Variants in RAB38 observed in about 807,000 individuals in gnomAD.
RAB38 encodes the protein RAB38, member RAS oncogene family.
RAB38 carries 15 observed loss-of-function variants against 18.4 expected under a neutral mutation model. The observed-to-expected ratio is 0.82, with a 90% CI of 0.55 to 1.26. The LOEUF (loss-of-function observed/expected upper bound fraction) is 1.26. Ranked by LOEUF, RAB38 falls within the 50% of genes most tolerant of loss-of-function variation. RAB38 has a pLI of 0.00. For missense variants in RAB38, 294 were observed against 267.4 expected (o/e 1.10, Z -0.69); for synonymous variants, 101 against 104.4 (o/e 0.97, Z 0.20).
chr11:88,090,382 A>G, the RAB38 span, among the ~76,000 whole-genome samples: 1 of 151,952 alleles, frequency 6.6e-6, no homozygotes, highest in Non-Finnish European at 1.5e-5. Flanking sequence ...TTTTTACTGG[A>G]CACAGAAGTT....
At chr11:88,101,401 A>T in the RAB38 span, among the ~76,000 whole-genome samples, 1 of 151,972 alleles carries the variant, frequency 6.6e-6, no homozygotes, top group East Asian at 1.9e-4. Context: ...TCCAGCATTC[A>T]TGGTTTGGTT....
chr11:87,821,940 G>A, the RAB38 span, among the ~76,000 whole-genome samples: 3 of 151,834 alleles, frequency 2.0e-5, no homozygotes, highest in East Asian at 1.9e-4. Context: ...TGGAGAAATT[G>A]TGAATGGAAT....
At chr11:88,155,437 G>T (rs1943113272) in intron 1 of RAB38, among the ~76,000 whole-genome samples, 1 of 152,026 alleles carries the variant, frequency 6.6e-6, no homozygotes, top group Non-Finnish European at 1.5e-5. Context: ...TAAGGCTACA[G>T]AAGCAAAACC....
At chr11:87,825,798 G>C in the RAB38 span, among the ~76,000 whole-genome samples, 5 of 152,034 alleles carry the variant, frequency 3.3e-5, no homozygotes, top group African/African-American at 1.2e-4. Context: ...AGAGGTGATT[G>C]ACTCTTTCAT....
chr11:87,976,293 T>C, the RAB38 span, among the ~76,000 whole-genome samples: 3 of 143,568 alleles, frequency 2.1e-5, no homozygotes, highest in Non-Finnish European at 3.0e-5. Context: ...TATATATACA[T>C]ACACACATAT....
chr11:87,905,066 T>C, the RAB38 span, among the ~76,000 whole-genome samples: 1 of 151,746 alleles, frequency 6.6e-6, no homozygotes, highest in Non-Finnish European at 1.5e-5. Flanking sequence ...GAGAGTCTCT[T>C]CATTTTTTTC....
the RAB38 span, among the ~76,000 whole-genome samples, chr11:87,874,508 G>A: frequency 6.6e-6 from 1 of 151,526 alleles, no homozygotes; most frequent in Admixed American, 6.6e-5. Flanking sequence ...GTGGGGTCGG[G>A]GGAGAGGGGA....
At chr11:88,114,182 C>T in intron 2 of RAB38, 42 bp from the exon 3 acceptor site, 1 of 1,597,728 alleles carries the variant, frequency 6.3e-7, no homozygotes, top group Non-Finnish European at 8.6e-7. Context: ...ATTCAATACT[C>T]TGAAATAATG....
chr11:88,150,684 T>C (rs1943052394), intron 1 of RAB38, among the ~76,000 whole-genome samples: 1 of 152,196 alleles, frequency 6.6e-6, no homozygotes. Flanking sequence ...AATTGAAACT[T>C]AGTCTAAGTA....
the RAB38 span, among the ~76,000 whole-genome samples, chr11:87,878,446 G>T: frequency 6.6e-6 from 1 of 150,904 alleles, no homozygotes; most frequent in Admixed American, 6.6e-5. Context: ...ACAGCAGAGG[G>T]CAGTGCAAGA....
chr11:88,168,088 G>T (rs1227316397), intron 1 of RAB38, among the ~76,000 whole-genome samples: 1 of 152,120 alleles, frequency 6.6e-6, no homozygotes, highest in Non-Finnish European at 1.5e-5. Flanking sequence ...GAACCTCAGT[G>T]ACTGCTTAAC....
the RAB38 span, among the ~76,000 whole-genome samples, chr11:88,005,370 G>A: frequency 6.7e-6 from 1 of 149,032 alleles, no homozygotes; most frequent in Non-Finnish European, 1.5e-5. Flanking sequence ...AAGTGACAAG[G>A]CAATTCAATG....
the RAB38 span, among the ~76,000 whole-genome samples, chr11:87,941,214 G>GAGATATATATATATAT: frequency 1.0e-3 from 64 of 62,542 alleles, no homozygotes; most frequent in Non-Finnish European, 1.6e-3. Flanking sequence ...AAATATATGA[G>GAGATATATATATATAT]ATATATATAT....
At chr11:87,910,957 T>C in the RAB38 span, among the ~76,000 whole-genome samples, 3 of 151,992 alleles carry the variant, frequency 2.0e-5, no homozygotes, top group African/African-American at 7.2e-5. Context: ...TTTTACGTGG[T>C]ATGGGTTCAA....
At chr11:88,004,098 A>T in the RAB38 span, among the ~76,000 whole-genome samples, 1 of 146,222 alleles carries the variant, frequency 6.8e-6, no homozygotes, top group East Asian at 2.0e-4. Flanking sequence ...GTCCTTTACT[A>T]ATTTTATGAA....
chr11:88,127,167 T>G lies in RAB38; in HGVS notation c.484-13027A>C, dbSNP rs61553899. On this transcript the variant is annotated intron_variant, in intron 2 of 2. Coordinates refer to ENST00000243662, the MANE Select transcript of RAB38 (RefSeq NM_022337.3). ...CAGAGTCTTTTAGAAGATCGTGGAG[T>G]GTGCCTTGTGTTCAAATTCTTTACA... Among the ~76,000 whole-genome samples the G allele has an allele frequency of 5.5e-3, 832 of 152,306 alleles. 2 individuals carry two copies. Among genetic ancestry groups the G allele is most frequent in the African/African-American group, 0.019 (795 of 41,566 alleles).
chr11:88,157,312 T>C (rs554774515), intron 1 of RAB38, among the ~76,000 whole-genome samples: 1 of 152,334 alleles, frequency 6.6e-6, no homozygotes, highest in African/African-American at 2.4e-5. Flanking sequence ...GAATATATTA[T>C]GCACACAACA....
rs751174045 is a variant in RAB38, at chr11:88,149,718, C to A, written c.440G>T (p.Cys147Phe). The A allele has an allele frequency of 6.2e-7, 1 of 1,614,132 alleles. No homozygotes were observed. Among genetic ancestry groups the A allele is most frequent in the Non-Finnish European group, 8.5e-7 (1 of 1,179,988 alleles). The part of the protein sequence containing the change: ...MNNGLKMDQF[C>F]KEHGFVGWFE... Reference sequence around the variant, plus strand: ...CCATCCTACGAAACCGTGCTCCTTGCAGAACTGGTCCATCTTGAGGCCATT... The same window carrying A: ...CCATCCTACGAAACCGTGCTCCTTGAAGAACTGGTCCATCTTGAGGCCATT... The change falls in exon 2 of 3, where the codon TGC becomes TTC. Residue 147 changes from cysteine to phenylalanine, a missense_variant. Transcript: ENST00000243662.
the RAB38 span, among the ~76,000 whole-genome samples, chr11:87,857,986 T>G: frequency 1.3e-5 from 2 of 152,190 alleles, no homozygotes; most frequent in Non-Finnish European, 2.9e-5. Flanking sequence ...CTAGGGTTTT[T>G]ATGGTTTTAG....
Sources: allele counts gnomAD v4.1 joint callset (sites outside exome capture counted in the v4.1 genomes callset), GRCh38; gene constraint gnomAD v4.1.1; transcripts MANE v1.5; gene names NCBI Gene and HGNC (gene_info 2026-07-23, HGNC 2026-07-21).